Variants in ELAVL2 observed in about 807,000 individuals in gnomAD.
ELAVL2 encodes the protein ELAV like RNA binding protein 2, also known as ELAV-like protein 2.
ELAVL2 carries 4 observed loss-of-function variants against 34.6 expected under a neutral mutation model. The observed-to-expected ratio is 0.12, with a 90% CI of 0.06 to 0.26. The LOEUF (loss-of-function observed/expected upper bound fraction) is 0.26. Ranked by LOEUF, ELAVL2 falls within the 10% of genes least tolerant of loss-of-function variation. The pLI is 1.00. For synonymous variants in ELAVL2, 193 were observed against 154.8 expected, an observed-to-expected ratio of 1.25 and a Z score of -1.83; for missense variants, 432 against 442.8, an observed-to-expected ratio of 0.98 and a Z score of 0.22.
intron 2 of ELAVL2, among the ~76,000 whole-genome samples, chr9:23,758,126 G>C (rs1379016405): frequency 1.3e-5 from 2 of 152,050 alleles, no homozygotes; most frequent in African/African-American, 4.8e-5. Flanking sequence ...GGTAGAATAA[G>C]CTGGATAATT....
intron 2 of ELAVL2, among the ~76,000 whole-genome samples, chr9:23,750,260 T>C (rs1343127700): frequency 6.6e-6 from 1 of 152,074 alleles, no homozygotes; most frequent in Non-Finnish European, 1.5e-5. Context: ...GCTGGGGATA[T>C]AATGGAATGT....
the ELAVL2 span, chr9:23,847,553 C>T: frequency 7.2e-5 from 11 of 151,914 alleles, 1 homozygote; most frequent in East Asian, 3.9e-4. Context: ...AGAAAAATAT[C>T]GGAACATGAC....
At chr9:23,840,479 G>C in the ELAVL2 span, among the ~76,000 whole-genome samples, 1 of 152,206 alleles carries the variant, frequency 6.6e-6, no homozygotes, top group Non-Finnish European at 1.5e-5. Flanking sequence ...CAGTGGTGCA[G>C]TTAACATGGA....
At chr9:23,697,719 C>A (rs1268965345) in intron 5 of ELAVL2, among the ~76,000 whole-genome samples, 1 of 151,728 alleles carries the variant, frequency 6.6e-6, no homozygotes, top group African/African-American at 2.4e-5. Flanking sequence ...AAAGTACCTG[C>A]CTAATTTCTA....
chr9:23,836,749 C>T, the ELAVL2 span, among the ~76,000 whole-genome samples: 1 of 151,814 alleles, frequency 6.6e-6, no homozygotes, highest in African/African-American at 2.4e-5. Context: ...TTGGAGTATA[C>T]CAGCCTGTCT....
rs992247683 is a variant in ELAVL2, at chr9:23,750,466, A to G, written c.229+11540T>C. 3.3e-5 allele frequency among the ~76,000 whole-genome samples: 5 copies of G among 152,192 alleles called. No homozygotes were observed. In the East Asian group the frequency reaches 5.8e-4, roughly 18 times the overall value. ...AAAGGTCTAAAAACAAACCTGGTAT[A>G]ACATTGTTAGATTTTAAGATATTAG... On this transcript the variant is annotated intron_variant, in intron 2 of 6. Transcript: ENST00000397312.
chr9:23,764,814 TTC>T (rs1437348419), intron 1 of ELAVL2, among the ~76,000 whole-genome samples: 3 of 152,138 alleles, frequency 2.0e-5, no homozygotes, highest in African/African-American at 7.2e-5. Flanking sequence ...GAGAGCATGG[TTC>T]TGATGCTACA....
At chr9:23,741,220 AG>A (rs761008354) in intron 2 of ELAVL2, among the ~76,000 whole-genome samples, 1 of 152,218 alleles carries the variant, frequency 6.6e-6, no homozygotes, top group Non-Finnish European at 1.5e-5. Context: ...GAAGTATAAA[AG>A]AGACAAGCCA....
At chr9:23,702,815 A>C (rs1245786214) in intron 4 of ELAVL2, among the ~76,000 whole-genome samples, 1 of 151,978 alleles carries the variant, frequency 6.6e-6, no homozygotes, top group Non-Finnish European at 1.5e-5. Context: ...TAAATTGAGT[A>C]AGTTCACTTT....
chr9:23,798,661 G>A (rs570728994), intron 1 of ELAVL2, among the ~76,000 whole-genome samples: 20 of 152,272 alleles, frequency 1.3e-4, no homozygotes, highest in African/African-American at 4.3e-4. Context: ...TGTAGGGGGT[G>A]TGTGTGGGAA....
intron 2 of ELAVL2, among the ~76,000 whole-genome samples, chr9:23,754,090 C>T (rs2052887706): frequency 6.6e-6 from 1 of 152,146 alleles, no homozygotes; most frequent in Non-Finnish European, 1.5e-5. Flanking sequence ...AGTAAACACT[C>T]TAAGACAGCT....
At chr9:23,720,464 G>A (rs1173923084) in intron 3 of ELAVL2, among the ~76,000 whole-genome samples, 6 of 152,038 alleles carry the variant, frequency 3.9e-5, no homozygotes, top group Non-Finnish European at 7.4e-5. Flanking sequence ...ACTGTGCCTG[G>A]CCAAGACACC....
intron 2 of ELAVL2, among the ~76,000 whole-genome samples, chr9:23,748,495 T>C (rs933939318): frequency 3.9e-5 from 6 of 152,148 alleles, no homozygotes; most frequent in African/African-American, 1.4e-4. Flanking sequence ...TCTGACCCAC[T>C]GTACATACAC....
intron 5 of ELAVL2, 26 bp downstream of exon 5, chr9:23,701,353 G>A (rs1388952386): frequency 3.1e-6 from 5 of 1,609,000 alleles, no homozygotes; most frequent in South Asian, 1.1e-5. Flanking sequence ...TTTAGTAGCT[G>A]GGCACAAGAA....
chr9:23,809,650 T>C (rs567877570), intron 1 of ELAVL2, among the ~76,000 whole-genome samples: 23 of 152,322 alleles, frequency 1.5e-4, no homozygotes, highest in Non-Finnish European at 7.4e-5. Context: ...ATTATCTCTA[T>C]TCCAGACTTT....
intron 1 of ELAVL2, among the ~76,000 whole-genome samples, chr9:23,805,597 T>C (rs1402228304): frequency 2.0e-5 from 3 of 152,236 alleles, no homozygotes; most frequent in Admixed American, 6.5e-5. Flanking sequence ...TGCACGAGCA[T>C]GAGCTTGGCA....
chr9:23,808,637 G>C (rs1019086456), intron 1 of ELAVL2, among the ~76,000 whole-genome samples: 5 of 152,092 alleles, frequency 3.3e-5, no homozygotes, highest in African/African-American at 1.2e-4. Flanking sequence ...TAAGTTTAAA[G>C]TTTTAAAGTG....
chr9:23,708,503 C>A (rs2040023040), intron 3 of ELAVL2, among the ~76,000 whole-genome samples: 1 of 152,114 alleles, frequency 6.6e-6, no homozygotes, highest in Non-Finnish European at 1.5e-5. Context: ...TTCAATAATA[C>A]TATGGTAAGT....
At chr9:23,756,216 T>C (rs1318031895) in intron 2 of ELAVL2, among the ~76,000 whole-genome samples, 17 of 152,078 alleles carry the variant, frequency 1.1e-4, no homozygotes, top group African/African-American at 3.9e-4. Flanking sequence ...CTAAGAACAC[T>C]CATATTAATA....
Sources: gnomAD v4.1 joint callset for allele counts (sites outside exome capture counted in the v4.1 genomes callset) on GRCh38, gnomAD v4.1.1 for gene constraint, MANE v1.5 for transcripts, NCBI Gene and HGNC (gene_info 2026-07-23, HGNC 2026-07-21) for gene names.